KIF21A: variants seen among roughly 807,000 people sequenced by gnomAD.
The protein encoded by KIF21A is kinesin family member 21A.
KIF21A carries 114 observed loss-of-function variants against 202.9 expected under a neutral mutation model. That is an observed-to-expected ratio of 0.56 (90% CI 0.48 to 0.66). KIF21A has a LOEUF of 0.66. Ranked by LOEUF, KIF21A falls within the 30% of genes least tolerant of loss-of-function variation. The pLI is 0.00. For missense variants in KIF21A, 1,677 were observed against 1,994.9 expected (o/e 0.84, Z 3.04); for synonymous variants, 667 against 670.8 (o/e 0.99, Z 0.09).
At chr12:39,318,545 ATGTT>A (rs1284351453) in intron 28 of KIF21A, among the ~76,000 whole-genome samples, 2 of 152,178 alleles carry the variant, frequency 1.3e-5, no homozygotes, top group Non-Finnish European at 1.5e-5. Context: ...AGCTTACGAG[ATGTT>A]TGCTTATTCA....
At chr12:39,351,587 T>C (rs12311821) in intron 11 of KIF21A, among the ~76,000 whole-genome samples, 190 bp downstream of exon 11, 1,762 of 152,174 alleles carry the variant, frequency 0.012, 32 homozygotes, top group African/African-American at 0.037. Context: ...TTATTACAAT[T>C]AAATCTATTT....
chr12:39,422,549 T>C lies in KIF21A; in HGVS notation c.44+20378A>G, dbSNP rs540714075. Among the ~76,000 whole-genome samples, 4 of 152,162 alleles carry C rather than the reference T, an allele frequency of 2.6e-5. No homozygotes were observed. In the East Asian group the frequency reaches 5.8e-4, roughly 22 times the overall value. On this transcript the variant is annotated intron_variant, in intron 1 of 37. Coordinates refer to ENST00000361418, the MANE Select transcript of KIF21A (RefSeq NM_001173464.2). ...GCAACTGCTATGAAAATATAAATCA[T>C]CAATTACCCTCCCACCTCCTCTCAG...
chr12:39,391,749 G>A (rs544471943), intron 1 of KIF21A, among the ~76,000 whole-genome samples: 2 of 151,968 alleles, frequency 1.3e-5, no homozygotes, highest in East Asian at 3.9e-4. Context: ...TGTTGTTGTT[G>A]TTGTTGTTGA....
intron 1 of KIF21A, among the ~76,000 whole-genome samples, chr12:39,427,360 C>G (rs1274031188): frequency 1.3e-5 from 2 of 152,148 alleles, no homozygotes; most frequent in Non-Finnish European, 2.9e-5. Flanking sequence ...GCTGTACTTT[C>G]CAAAATGCCT....
At position 39,334,905 on chromosome 12, in the gene KIF21A, G is replaced by C. The variant is rs567500043; in HGVS notation, c.2419-1625C>G. ...GGTCTCCCTTATCTTATATGAATTA[G>C]TAATAAAGAAATAGGTAGCATACAC... On this transcript the variant is annotated intron_variant, in intron 17 of 37. Transcript: ENST00000361418. 4.6e-5 allele frequency among the ~76,000 whole-genome samples: 7 copies of C among 152,194 alleles called. No individual in the cohort carries two copies. In the East Asian group the frequency reaches 1.4e-3, roughly 29 times the overall value.
chr12:39,375,930 CAAT>C lies in KIF21A; in HGVS notation c.45-5672_45-5670del, dbSNP rs1187405801. Reference sequence around the variant, plus strand: ...CTTGCACAAATGAGATACTATGAGACAATGAGAGCCTACATAGCTATAAAAGTG... The same window carrying C: ...CTTGCACAAATGAGATACTATGAGACGAGAGCCTACATAGCTATAAAAGTG... On this transcript the variant is annotated intron_variant, in intron 1 of 37. Transcript: ENST00000361418. Among the ~76,000 whole-genome samples, 3 of 152,184 alleles carry C rather than the reference CAAT, an allele frequency of 2.0e-5. No homozygotes were observed. The East Asian group carries it at 5.8e-4, about 29-fold the overall frequency.
chr12:39,363,534 A>G (rs1385712832), intron 6 of KIF21A, among the ~76,000 whole-genome samples: 1 of 152,172 alleles, frequency 6.6e-6, no homozygotes, highest in Non-Finnish European at 1.5e-5. Flanking sequence ...TTGTCCATTC[A>G]TGTTACGCAT....
At chr12:39,427,847 T>TG (rs1177908133) in intron 1 of KIF21A, among the ~76,000 whole-genome samples, 5 of 152,118 alleles carry the variant, frequency 3.3e-5, no homozygotes, top group Non-Finnish European at 7.4e-5. Flanking sequence ...TTAATAGAGA[T>TG]GGGGTTTCAC....
chr12:39,386,282 C>A (rs568445369), intron 1 of KIF21A, among the ~76,000 whole-genome samples: 6 of 152,170 alleles, frequency 3.9e-5, no homozygotes, highest in African/African-American at 7.2e-5. Flanking sequence ...GCAGAGCGGT[C>A]AGGGTGCACT....
At position 39,367,968 on chromosome 12, in the gene KIF21A, T is replaced by C; in HGVS notation, c.515A>G (p.Lys172Arg). The C allele has an allele frequency of 3.1e-6, 5 of 1,606,888 alleles. No individual in the cohort carries two copies. The highest frequency in any genetic ancestry group is 4.3e-6 in the Non-Finnish European group (5 of 1,173,842). The change falls in exon 4 of 38, where the codon AAA becomes AGA. Residue 172 changes from lysine (K) to arginine (R), a missense_variant. Lys to Arg is a conservative substitution (Grantham distance 26). Transcript: ENST00000361418. ...ATCTTCATGAATTCTTATATTTGATTTTTTACTTTTTGCATCAATATCACG... is the reference window on the plus strand; with the variant it reads ...ATCTTCATGAATTCTTATATTTGATCTTTTACTTTTTGCATCAATATCACG... The part of the protein sequence containing the change: ...TTRDIDAKSK[K>R]SNIRIHEDST...
At chr12:39,437,153 T>C (rs899759446) in intron 1 of KIF21A, among the ~76,000 whole-genome samples, 3 of 152,178 alleles carry the variant, frequency 2.0e-5, no homozygotes, top group African/African-American at 7.2e-5. Context: ...TTGGGCATAT[T>C]ATAGTATTAA....
chr12:39,419,508 T>C (rs1954066111), intron 1 of KIF21A, among the ~76,000 whole-genome samples: 1 of 152,174 alleles, frequency 6.6e-6, no homozygotes, highest in Non-Finnish European at 1.5e-5. Flanking sequence ...ACTTGAACTA[T>C]TAGTATATAT....
In KIF21A at chr12:39,332,334, C is replaced by T. The variant is rs1457764195; in HGVS notation, c.2931G>A (p.Glu977=). The change falls in exon 21 of 38, where the codon GAG becomes GAA. Residue 977 remains glutamate (E), a synonymous_variant. Coordinates refer to ENST00000361418, the MANE Select transcript of KIF21A (RefSeq NM_001173464.2). ...RREKIVKENG[E]GDKNVANINE... ...TGATATTAGCCACATTTTTATCTCC[C>T]TCTCCATTCTCCTTGACTATCTTCT... 2 of 1,613,826 alleles carry T rather than the reference C, an allele frequency of 1.2e-6. No homozygotes were observed. The highest frequency in any genetic ancestry group is 8.5e-7 in the Non-Finnish European group (1 of 1,179,848).
chr12:39,401,128 C>T (rs1413034786), intron 1 of KIF21A, among the ~76,000 whole-genome samples: 2 of 152,120 alleles, frequency 1.3e-5, no homozygotes, highest in African/African-American at 2.4e-5. Flanking sequence ...AGAATACAGA[C>T]ATGTTCCTTT....
In KIF21A at chr12:39,363,135, G is replaced by C; in HGVS notation, c.982C>G (p.Leu328Val). ...ATHVPYRDSK[L>V]TRLLQDSLGG... ...AGGGAATCCTGTAGTAGTCTTGTTA[G>C]CTTGGAATCTCTATAGGGGACATGT... is the stretch of plus-strand genomic sequence containing the variant. Residue 328 changes from leucine (L) to valine (V), a missense_variant, in exon 7 of 38, where the codon CTA becomes GTA. Physicochemically the swap from Leu to Val is conservative, Grantham distance 32. This residue lies in a region of KIF21A where 966 missense variants were observed against 1,180.9 expected (regional missense o/e 0.82). Coordinates refer to ENST00000361418, the MANE Select transcript of KIF21A (RefSeq NM_001173464.2). 1.2e-6 allele frequency: 2 copies of C among 1,613,008 alleles called. No homozygotes were observed. Among genetic ancestry groups the C allele is most frequent in the Middle Eastern group, 1.7e-4 (1 of 6,050 alleles).
chr12:39,302,591 A>C (rs150826659), intron 36 of KIF21A, among the ~76,000 whole-genome samples: 6 of 152,250 alleles, frequency 3.9e-5, no homozygotes, highest in African/African-American at 1.4e-4. Context: ...TATTTATATT[A>C]CTCTTGACTT....
intron 16 of KIF21A, among the ~76,000 whole-genome samples, chr12:39,338,691 A>G (rs1394656535): frequency 6.6e-6 from 1 of 152,220 alleles, no homozygotes; most frequent in African/African-American, 2.4e-5. Context: ...AGCAAGTCAC[A>G]CAAATTTATT....
At chr12:39,435,833 T>C (rs1938611924) in intron 1 of KIF21A, among the ~76,000 whole-genome samples, 1 of 152,190 alleles carries the variant, frequency 6.6e-6, no homozygotes, top group African/African-American at 2.4e-5. Context: ...ATTTACATGT[T>C]TAAAATTATT....
At chr12:39,405,119 A>C (rs1952481413) in intron 1 of KIF21A, among the ~76,000 whole-genome samples, 1 of 152,228 alleles carries the variant, frequency 6.6e-6, no homozygotes, top group Non-Finnish European at 1.5e-5. Flanking sequence ...TGGGAGGCTA[A>C]GGCAGATGGA....
Sources: allele counts gnomAD v4.1 joint callset (sites outside exome capture counted in the v4.1 genomes callset), GRCh38; gene constraint gnomAD v4.1.1; regional missense constraint gnomAD v4.1.1; transcripts MANE v1.5; gene names NCBI Gene and HGNC (gene_info 2026-07-23, HGNC 2026-07-21).